EIF2AK4: variants seen among roughly 807,000 people sequenced by gnomAD.
The protein encoded by EIF2AK4 is eIF-2-alpha kinase GCN2.
Under a neutral mutation model 211.1 loss-of-function variants are expected in EIF2AK4, and 139 were observed. That is an observed-to-expected ratio of 0.66 (90% CI 0.57 to 0.76). The LOEUF is 0.76. EIF2AK4 is among the 30% of genes least tolerant of loss of function. The pLI is 0.00. For synonymous variants in EIF2AK4, 710 were observed against 751.3 expected, an observed-to-expected ratio of 0.94 and a Z score of 0.90; for missense variants, 1,664 against 2,043.8, an observed-to-expected ratio of 0.81 and a Z score of 3.58.
intron 6 of EIF2AK4, among the ~76,000 whole-genome samples, chr15:39,960,163 CA>C (rs926246870): frequency 0.011 from 504 of 46,472 alleles, no homozygotes; most frequent in Non-Finnish European, 0.015. Flanking sequence ...GACTCCATCT[CA>C]AAAAAAAAAA....
Position 40,015,474 on chromosome 15 carries a change from T to G in EIF2AK4, c.3760-1028T>G, listed in dbSNP as rs529302245. On this transcript the variant is annotated intron_variant, in intron 27 of 38. Transcript: ENST00000263791. ...TCCTCTTTATAAAACCATCAGATCT[T>G]GTGAGACTTATTCACTATCATGAGA... Among the ~76,000 whole-genome samples the G allele has an allele frequency of 6.6e-5, 10 of 152,252 alleles. No individual in the cohort carries two copies. The South Asian group carries it at 2.1e-3, about 32-fold the overall frequency.
chr15:39,989,267 A>G (rs2034909803), intron 15 of EIF2AK4, among the ~76,000 whole-genome samples: 1 of 152,216 alleles, frequency 6.6e-6, no homozygotes, highest in Admixed American at 6.5e-5. Context: ...GAGATTGTCT[A>G]ATGCATTAAC....
Position 40,030,396 on chromosome 15 carries a change from T to C in EIF2AK4, c.4599T>C (p.Ile1533=), listed in dbSNP as rs1757072278. Residue 1533 remains isoleucine, a synonymous_variant, in exon 35 of 39, where the codon ATT becomes ATC. Transcript: ENST00000263791. The part of the protein sequence containing the change: ...FEIHGATVVP[I]VSVLAPEKLS... The stretch of plus-strand genomic sequence containing the variant: ...TCCATGGAGCAACAGTGGTTCCCAT[T>C]GTGAGTGTGCTAGCCCCGGAGAAGC... The C allele has an allele frequency of 6.2e-7, 1 of 1,614,106 alleles. No homozygotes were observed.
intron 2 of EIF2AK4, 34 bp from the exon 3 acceptor site, chr15:39,943,349 C>G (rs767055806): frequency 1.6e-5 from 18 of 1,117,424 alleles, no homozygotes; most frequent in Non-Finnish European, 2.2e-5. Context: ...TCTGGAGTAA[C>G]TCTTTTTTTT....
At chr15:39,951,505 A>G (rs922127677) in intron 4 of EIF2AK4, 5 of 408,532 alleles carry the variant, frequency 1.2e-5, no homozygotes, top group Non-Finnish European at 2.4e-5. Context: ...TGCCTTCTGC[A>G]AAGCACCAAT....
chr15:39,967,914 T>C (rs2034567936), intron 9 of EIF2AK4, 35 bp downstream of exon 9: 1 of 1,596,440 alleles, frequency 6.3e-7, no homozygotes, highest in Middle Eastern at 1.7e-4. Flanking sequence ...AATAGCACTT[T>C]ACTCCTGTAC....
intron 19 of EIF2AK4, among the ~76,000 whole-genome samples, chr15:39,997,836 T>G (rs1595418523): frequency 1.3e-5 from 2 of 151,780 alleles, no homozygotes; most frequent in Admixed American, 1.3e-4. Flanking sequence ...AAGTGAAGAG[T>G]GAGGTTTGGG....
intron 21 of EIF2AK4, 40 bp downstream of exon 21, chr15:40,001,264 G>A: frequency 6.3e-7 from 1 of 1,592,246 alleles, no homozygotes; most frequent in Non-Finnish European, 8.6e-7. Flanking sequence ...GCTTCACCTT[G>A]TCCACAAAAG....
intron 20 of EIF2AK4, among the ~76,000 whole-genome samples, chr15:39,999,459 A>C (rs1431432657): frequency 1.3e-5 from 2 of 152,192 alleles, no homozygotes; most frequent in African/African-American, 4.8e-5. Flanking sequence ...TGACAATTAT[A>C]ATCAAGGCAA....
At position 40,019,081 on chromosome 15, in the gene EIF2AK4, GTC is replaced by G. The variant is rs1350651264; in HGVS notation, c.4066-7_4066-6del. 1.9e-6 allele frequency: 3 copies of G among 1,586,826 alleles called. No individual in the cohort carries two copies. The highest frequency in any genetic ancestry group is 2.6e-6 in the Non-Finnish European group (3 of 1,161,538). On this transcript the variant is annotated splice_polypyrimidine_tract_variant and intron_variant, in intron 29 of 38. Transcript: ENST00000263791. ...CTATTTCATAACCATAACTGTTTGT[GTC>G]TCTCCACAGATTCCCCAGTTTAGAG...
At chr15:40,026,835 T>G (rs1325322544) in intron 33 of EIF2AK4, among the ~76,000 whole-genome samples, 1 of 152,192 alleles carries the variant, frequency 6.6e-6, no homozygotes, top group Non-Finnish European at 1.5e-5. Context: ...ATTAAAAGCC[T>G]TAAAACTAAA....
Position 39,988,100 on chromosome 15 carries a change from G to T in EIF2AK4, c.2521G>T (p.Glu841Ter), listed in dbSNP as rs1442692421. 2 of 1,613,908 alleles carry T rather than the reference G, an allele frequency of 1.2e-6. No homozygotes were observed. The highest frequency in any genetic ancestry group is 2.7e-5 in the African/African-American group (2 of 74,904). The change falls in exon 15 of 39, where the codon GAG becomes TAG. Residue 841 changes from glutamate to a stop codon, truncating the protein, a stop_gained. Coordinates refer to ENST00000263791, the MANE Select transcript of EIF2AK4 (RefSeq NM_001013703.4). LOFTEE classifies it high-confidence loss of function. ...TCTGGATGGATTAGCTTATATCCAT[G>T]AGAAAGTAAACTTTACAACATTTCA... ...EILDGLAYIH[E>*]KGMIHRDLKP...
intron 11 of EIF2AK4, among the ~76,000 whole-genome samples, chr15:39,975,593 A>G (rs940527006): frequency 1.3e-5 from 2 of 152,218 alleles, no homozygotes; most frequent in Non-Finnish European, 2.9e-5. Context: ...AGTCACCCCA[A>G]TTACATAGTG....
chr15:39,965,780 G>GA lies in EIF2AK4; in HGVS notation c.961dup (p.Met321AsnfsTer14). ...TGTATGAGTGGGTCCTTCAGTGGCA[G>GA]AAAAAAATGGGTCCATTCCTTACCA... On this transcript the variant is annotated frameshift_variant, in exon 8 of 39. Transcript: ENST00000263791. LOFTEE classifies it high-confidence loss of function. 6.2e-7 allele frequency: 1 copy of GA among 1,613,906 alleles called. No homozygotes were observed. The highest frequency in any genetic ancestry group is 2.2e-5 in the East Asian group (1 of 44,870).
rs2035597376 is a variant in EIF2AK4 at position 40,035,050 on chromosome 15, GCTATAGAGATGA to G, written c.4920_4931del (p.Arg1641_Tyr1644del). On this transcript the variant is annotated inframe_deletion, in exon 39 of 39. Transcript: ENST00000263791. ...AGGGTGTCTGTGCTATTTCTGTACAGCTATAGAGATGACTACTACAGAATCTTATTTTAACCC... is the reference window on the plus strand; with the variant it reads ...AGGGTGTCTGTGCTATTTCTGTACAGCTACTACAGAATCTTATTTTAACCC... 1.9e-6 allele frequency: 3 copies of G among 1,585,108 alleles called. No individual in the cohort carries two copies. Among genetic ancestry groups the G allele is most frequent in the Non-Finnish European group, 2.6e-6 (3 of 1,166,744 alleles).
chr15:39,936,382 C>T (rs2034064533), intron 1 of EIF2AK4, among the ~76,000 whole-genome samples: 1 of 152,098 alleles, frequency 6.6e-6, no homozygotes, highest in Non-Finnish European at 1.5e-5. Flanking sequence ...TGCTATTTGC[C>T]AGGGAAAAGT....
chr15:40,005,130 C>A (rs991423296), intron 23 of EIF2AK4, among the ~76,000 whole-genome samples: 1 of 152,166 alleles, frequency 6.6e-6, no homozygotes, highest in African/African-American at 2.4e-5. Context: ...GGAGGATGCG[C>A]ATAGGCTATA....
chr15:39,951,682 A>G (rs2034318240), intron 4 of EIF2AK4: 1 of 207,262 alleles, frequency 4.8e-6, no homozygotes, highest in Non-Finnish European at 1.0e-5. Context: ...CTCCTCCAGT[A>G]GAAGGTGCAG....
At chr15:39,954,287 C>T (rs938094952) in intron 5 of EIF2AK4, among the ~76,000 whole-genome samples, 1 of 152,226 alleles carries the variant, frequency 6.6e-6, no homozygotes, top group Non-Finnish European at 1.5e-5. Context: ...GAGTCTCATT[C>T]TGTCGCCCAG....
Sources: allele counts gnomAD v4.1 joint callset (sites outside exome capture counted in the v4.1 genomes callset), GRCh38; gene constraint gnomAD v4.1.1; transcripts MANE v1.5; gene names NCBI Gene and HGNC (gene_info 2026-07-23, HGNC 2026-07-21).